NPAS3: variants seen among roughly 807,000 people sequenced by gnomAD.
The protein encoded by NPAS3 is neuronal PAS domain-containing protein 3.
NPAS3 carries 14 observed loss-of-function variants against 73.1 expected under a neutral mutation model. The ratio of observed to expected loss-of-function variants is 0.19; its 90% CI spans 0.13 to 0.30. NPAS3 has a LOEUF of 0.30. Among genes scored for constraint, NPAS3 ranks in the 10% least tolerant of loss-of-function variants. The probability of loss-of-function intolerance (pLI) is 1.00; values close to 1 mark genes in which losing one functional copy is unlikely to be tolerated. For missense variants in NPAS3, 1,096 were observed against 1,250.0 expected (o/e 0.88, Z 1.86); for synonymous variants, 620 against 541.5 (o/e 1.14, Z -2.01).
At chr14:33,169,412 A>G (rs111894947) in intron 2 of NPAS3, among the ~76,000 whole-genome samples, 48,950 of 151,898 alleles carry the variant, frequency 0.32, 8,559 homozygotes, top group East Asian at 0.6. Context: ...TACTAAAAAT[A>G]TGAAAATTAG....
intron 3 of NPAS3, among the ~76,000 whole-genome samples, chr14:33,289,666 C>CA (rs773832691): frequency 4.0e-5 from 6 of 151,840 alleles, no homozygotes; most frequent in Non-Finnish European, 8.8e-5. Flanking sequence ...ACTAAAAATA[C>CA]AAAAAATTAG....
intron 1 of NPAS3, among the ~76,000 whole-genome samples, chr14:33,039,128 T>C (rs1047808591): frequency 2.6e-5 from 4 of 152,186 alleles, no homozygotes; most frequent in Admixed American, 1.3e-4. Context: ...ACTTCTTTCA[T>C]TGAGTGATCT....
intron 5 of NPAS3, among the ~76,000 whole-genome samples, chr14:33,633,787 CT>C (rs1015647622): frequency 3.3e-5 from 5 of 152,076 alleles, no homozygotes; most frequent in African/African-American, 9.7e-5. Context: ...TGAGACCAGC[CT>C]GGGCAACATA....
rs574510494 is a variant in NPAS3, at chr14:33,357,855, GA to G, written c.386-9330del. On this transcript the variant is annotated intron_variant, in intron 3 of 11. Transcript: ENST00000356141. ...TGTCACATGTCCTCACAACTGCTGT[GA>G]GAGGCATTAACCCTTTTGACAGAAT... Among the ~76,000 whole-genome samples, 40 of 152,318 alleles carry G rather than the reference GA, an allele frequency of 2.6e-4. 2 individuals are homozygous for G. The South Asian group carries it at 6.8e-3, about 26-fold the overall frequency.
At chr14:33,763,095 C>G (rs1230522078) in intron 7 of NPAS3, among the ~76,000 whole-genome samples, 2 of 152,306 alleles carry the variant, frequency 1.3e-5, no homozygotes, top group East Asian at 3.9e-4. Context: ...TTTCACCTGA[C>G]CAGACCTCAG....
chr14:33,330,856 C>T (rs944670983), intron 3 of NPAS3, among the ~76,000 whole-genome samples: 1 of 152,088 alleles, frequency 6.6e-6, no homozygotes, highest in African/African-American at 2.4e-5. Flanking sequence ...TTCCATTGAG[C>T]AGTGACCTAG....
In NPAS3 at chr14:33,771,728, G is replaced by A. The variant is rs563869064; in HGVS notation, c.853-2609G>A. On this transcript the variant is annotated intron_variant, in intron 7 of 11. Transcript: ENST00000356141. The stretch of plus-strand genomic sequence containing the variant: ...CAGGAGGCTGAGGCAGGAGAATGGC[G>A]TGAACCTGGGACGCAGAGCTTGCAG... Among the ~76,000 whole-genome samples the A allele has an allele frequency of 6.6e-5, 10 of 152,122 alleles. No homozygotes were observed. The East Asian group carries it at 1.5e-3, about 24-fold the overall frequency.
chr14:33,215,057 C>A, intron 2 of NPAS3, 125 bp from the exon 3 acceptor site: 1 of 975,370 alleles, frequency 1.0e-6, no homozygotes, highest in East Asian at 2.4e-5. Context: ...TACTGTCACT[C>A]TCTAGTTTTG....
At chr14:33,492,376 G>A (rs1398849654) in intron 4 of NPAS3, among the ~76,000 whole-genome samples, 10 of 152,130 alleles carry the variant, frequency 6.6e-5, no homozygotes, top group African/African-American at 2.4e-4. Flanking sequence ...AACTGTCACA[G>A]GTAACATGCT....
intron 2 of NPAS3, among the ~76,000 whole-genome samples, chr14:33,190,410 G>C (rs1428349631): frequency 6.6e-6 from 1 of 152,244 alleles, no homozygotes; most frequent in Non-Finnish European, 1.5e-5. Context: ...TGCTTCTGGG[G>C]ATAGAGAGCT....
At chr14:32,980,102 T>C (rs1176310501) in intron 1 of NPAS3, among the ~76,000 whole-genome samples, 3 of 152,236 alleles carry the variant, frequency 2.0e-5, no homozygotes, top group Non-Finnish European at 4.4e-5. Context: ...TAAAACTAAC[T>C]AGTACATTTC....
At chr14:33,138,967 T>A (rs2043942971) in intron 2 of NPAS3, among the ~76,000 whole-genome samples, 1 of 152,206 alleles carries the variant, frequency 6.6e-6, no homozygotes, top group African/African-American at 2.4e-5. Context: ...GAGGATATAC[T>A]CCATTTGGTA....
Position 33,782,823 on chromosome 14 carries a change from T to TAAA in NPAS3, c.1153+4257_1153+4259dup, listed in dbSNP as rs199704146. Among the ~76,000 whole-genome samples the TAAA allele has an allele frequency of 1.5e-4, 23 of 148,606 alleles. 1 individual carries two copies. Among genetic ancestry groups the TAAA allele is most frequent in the African/African-American group, 4.2e-4 (17 of 40,534 alleles). On this transcript the variant is annotated intron_variant, in intron 9 of 11. Coordinates refer to ENST00000356141, the Ensembl canonical transcript of NPAS3. ...AACATACTTGGGGGTTGTTTTTTTT[T>TAAA]AAAAAAAAGAAAAAAACAGTAGCTT... is the stretch of plus-strand genomic sequence containing the variant.
intron 3 of NPAS3, among the ~76,000 whole-genome samples, chr14:33,296,574 A>G (rs143180198): frequency 9.5e-4 from 145 of 152,348 alleles, no homozygotes; most frequent in African/African-American, 3.2e-3. Flanking sequence ...GCTGGTAACC[A>G]CCACTATATC....
intron 2 of NPAS3, among the ~76,000 whole-genome samples, chr14:33,211,468 C>T (rs8012086): frequency 0.093 from 14,200 of 152,092 alleles, 797 homozygotes; most frequent in Non-Finnish European, 0.13. Flanking sequence ...GCAGGAGAAC[C>T]ACTTGAACCT....
chr14:33,692,866 C>CAAAAAATTTT (rs2060272501), intron 6 of NPAS3, among the ~76,000 whole-genome samples: 1 of 122,872 alleles, frequency 8.1e-6, no homozygotes, highest in East Asian at 2.6e-4. Context: ...AAAAAAAAGC[C>CAAAAAATTTT]TTGAGTTAAT....
intron 2 of NPAS3, among the ~76,000 whole-genome samples, chr14:33,172,929 T>A (rs373568284): frequency 2.6e-5 from 4 of 152,142 alleles, no homozygotes; most frequent in African/African-American, 9.7e-5. Context: ...TTATTATTAA[T>A]CATGTAATTT....
intron 3 of NPAS3, among the ~76,000 whole-genome samples, chr14:33,311,557 A>G (rs933299494): frequency 8.5e-5 from 13 of 152,074 alleles, no homozygotes; most frequent in African/African-American, 2.9e-4. Context: ...ATTCAGTAGC[A>G]ATCTTGTTAT....
intron 4 of NPAS3, among the ~76,000 whole-genome samples, chr14:33,409,336 T>C (rs925669775): frequency 1.3e-5 from 2 of 152,160 alleles, no homozygotes; most frequent in Admixed American, 6.5e-5. Context: ...CCCACTTTGG[T>C]GGCCTTTATA....
Sources: gnomAD v4.1 joint callset for allele counts (sites outside exome capture counted in the v4.1 genomes callset) on GRCh38, gnomAD v4.1.1 for gene constraint, MANE v1.5 for transcripts, NCBI Gene and HGNC (gene_info 2026-07-23, HGNC 2026-07-21) for gene names.